SLC9B2: variants seen among roughly 807,000 people sequenced by gnomAD.
The protein encoded by SLC9B2 is sodium/hydrogen exchanger 9B2.
Under a neutral mutation model 52.2 loss-of-function variants are expected in SLC9B2, and 39 were observed. The observed-to-expected ratio is 0.75, with a 90% CI of 0.58 to 0.98. The LOEUF (loss-of-function observed/expected upper bound fraction) is 0.98. Ranked by LOEUF, SLC9B2 falls within the 50% of genes least tolerant of loss-of-function variation. The pLI is 0.00. For missense variants in SLC9B2, 626 were observed against 637.5 expected (o/e 0.98, Z 0.19); for synonymous variants, 214 against 227.0 (o/e 0.94, Z 0.51).
chr4:103,070,025 C>T (rs1044784035), intron 1 of SLC9B2, among the ~76,000 whole-genome samples: 1 of 152,086 alleles, frequency 6.6e-6, no homozygotes, highest in Non-Finnish European at 1.5e-5. Context: ...CCCTATTCTC[C>T]AATACTCTCA....
At chr4:103,071,129 T>C (rs546587181) in intron 1 of SLC9B2, among the ~76,000 whole-genome samples, 4 of 152,182 alleles carry the variant, frequency 2.6e-5, no homozygotes, top group African/African-American at 9.6e-5. Flanking sequence ...CTGGACTTTC[T>C]TTCTTATTTT....
At chr4:103,020,360 C>T (rs750909942), downstream of SLC9B2, 12 of 447,604 alleles carry the variant, frequency 2.7e-5, no homozygotes, top group South Asian at 1.4e-4. Context: ...CTTTCAGTCC[C>T]AAAGTTTCCA....
At chr4:103,050,561 A>G (rs1181451550) in intron 4 of SLC9B2, among the ~76,000 whole-genome samples, 179 bp from the exon 5 acceptor site, 1 of 152,272 alleles carries the variant, frequency 6.6e-6, no homozygotes, top group African/African-American at 2.4e-5. Context: ...AAAATAATGT[A>G]CAGATAAAAA....
chr4:103,036,528 A>G (rs1247783792), intron 9 of SLC9B2, among the ~76,000 whole-genome samples: 5 of 151,546 alleles, frequency 3.3e-5, no homozygotes, highest in Non-Finnish European at 7.4e-5. Flanking sequence ...GCTGAAAAGA[A>G]AAAAAAAAGA....
At chr4:103,068,568 A>C (rs553134448) in intron 1 of SLC9B2, among the ~76,000 whole-genome samples, 42 of 152,364 alleles carry the variant, frequency 2.8e-4, no homozygotes, top group Non-Finnish European at 5.1e-4. Context: ...GTAAGATAGG[A>C]GAAGCTGGTT....
At chr4:103,048,767 CT>C in intron 6 of SLC9B2, 125 bp downstream of exon 6, 1 of 1,141,400 alleles carries the variant, frequency 8.8e-7, no homozygotes, top group South Asian at 1.7e-5. Flanking sequence ...TTAAATTATG[CT>C]GTAACATCTA....
chr4:103,073,764 T>A (rs1389152905), intron 1 of SLC9B2, among the ~76,000 whole-genome samples: 2 of 152,232 alleles, frequency 1.3e-5, no homozygotes, highest in Non-Finnish European at 2.9e-5. Flanking sequence ...CTCACCAAAG[T>A]GAAATATACT....
chr4:103,019,591 G>C (rs181946550), downstream of SLC9B2: 519 of 985,484 alleles, frequency 5.3e-4, 1 homozygote, highest in African/African-American at 8.4e-3. Flanking sequence ...AAGAAAAATG[G>C]GCCGTACCTA....
intron 7 of SLC9B2, 82 bp from the exon 8 acceptor site, chr4:103,045,078 T>A: frequency 1.1e-6 from 1 of 873,160 alleles, no homozygotes; most frequent in Admixed American, 2.3e-5. Flanking sequence ...ACATGAAGCA[T>A]CTAATTACAA....
At chr4:103,053,111 T>C (rs1398576414) in intron 4 of SLC9B2, among the ~76,000 whole-genome samples, 1 of 152,158 alleles carries the variant, frequency 6.6e-6, no homozygotes. Flanking sequence ...CCAAGTTTTT[T>C]TTTTATTATT....
chr4:103,073,246 T>C (rs973143023), intron 1 of SLC9B2, among the ~76,000 whole-genome samples: 4 of 152,220 alleles, frequency 2.6e-5, no homozygotes, highest in Non-Finnish European at 5.9e-5. Flanking sequence ...TATTCATGCC[T>C]TTGAAAGAGC....
downstream of SLC9B2, chr4:103,020,217 A>G: frequency 2.7e-6 from 1 of 371,254 alleles, no homozygotes; most frequent in Non-Finnish European, 5.2e-6. Context: ...CAAAGTAAAC[A>G]CTTAATATAC....
chr4:103,075,006 T>C (rs768026064), intron 1 of SLC9B2, among the ~76,000 whole-genome samples: 1 of 152,202 alleles, frequency 6.6e-6, no homozygotes, highest in African/African-American at 2.4e-5. Context: ...AAGTGAACGG[T>C]CTTAAATAGT....
chr4:103,058,066 G>T, intron 3 of SLC9B2, 95 bp from the exon 4 acceptor site: 2 of 1,133,386 alleles, frequency 1.8e-6, no homozygotes, highest in Non-Finnish European at 2.5e-6. Context: ...AATACTGAAT[G>T]AAAATGCAAA....
intron 9 of SLC9B2, among the ~76,000 whole-genome samples, chr4:103,033,141 A>G (rs1742847674): frequency 6.6e-6 from 1 of 152,216 alleles, no homozygotes; most frequent in South Asian, 2.1e-4. Context: ...CAGTGACACA[A>G]TTGACTAGAG....
intron 3 of SLC9B2, among the ~76,000 whole-genome samples, chr4:103,059,693 A>G (rs1252770192): frequency 1.3e-5 from 2 of 152,146 alleles, no homozygotes; most frequent in South Asian, 2.1e-4. Context: ...ACGATACAAA[A>G]TATTATGGGC....
chr4:103,043,575 G>A, intron 8 of SLC9B2, 130 bp from the exon 9 acceptor site: 1 of 799,934 alleles, frequency 1.3e-6, no homozygotes, highest in Non-Finnish European at 1.9e-6. Context: ...CAAAACAAGT[G>A]CACTACATAA....
At chr4:103,031,462 A>G (rs1742693345) in intron 10 of SLC9B2, among the ~76,000 whole-genome samples, 1 of 152,144 alleles carries the variant, frequency 6.6e-6, no homozygotes, top group South Asian at 2.1e-4. Flanking sequence ...ACTTTCATAT[A>G]CAAGGAACAA....
At chr4:103,063,222 A>G (rs1745824774) in intron 3 of SLC9B2, among the ~76,000 whole-genome samples, 1 of 152,242 alleles carries the variant, frequency 6.6e-6, no homozygotes, top group Admixed American at 6.5e-5. Flanking sequence ...AGAACAGAAA[A>G]GGTATTCAAT....
Sources: allele counts gnomAD v4.1 joint callset (sites outside exome capture counted in the v4.1 genomes callset), GRCh38; gene constraint gnomAD v4.1.1; transcripts MANE v1.5; gene names NCBI Gene and HGNC (gene_info 2026-07-23, HGNC 2026-07-21).